ZBED4: variants seen among roughly 807,000 people sequenced by gnomAD.
ZBED4 encodes zinc finger BED-type containing 4.
A neutral mutation model predicts 15.5 loss-of-function variants in ZBED4; 4 were observed. The observed-to-expected ratio is 0.26, with a 90% CI of 0.13 to 0.59. The LOEUF is 0.59. Among genes scored for constraint, ZBED4 ranks in the 20% least tolerant of loss-of-function variants. ZBED4 has a pLI of 0.90. For synonymous variants in ZBED4, 692 were observed against 608.5 expected (o/e 1.14, Z -2.02); for missense variants, 1,323 against 1,461.8 (o/e 0.91, Z 1.55).
intron 1 of ZBED4, among the ~76,000 whole-genome samples, chr22:49,865,965 A>C (rs2060320848): frequency 7.0e-6 from 1 of 143,306 alleles, no homozygotes; most frequent in Admixed American, 7.1e-5. Context: ...TCCCGCCTCC[A>C]CCTCCCGATG....
rs374263929 is a variant in ZBED4 at position 49,885,435 on chromosome 22, G to T, written c.1773G>T (p.Lys591Asn). The T allele has an allele frequency of 9.9e-6, 16 of 1,609,734 alleles. No homozygotes were observed. Among genetic ancestry groups the T allele is most frequent in the Non-Finnish European group, 1.4e-5 (16 of 1,176,362 alleles). The change falls in exon 2 of 2, where the codon AAG becomes AAT. Residue 591 changes from lysine (K) to asparagine (N), a missense_variant. Physicochemically the swap from Lys to Asn is moderately conservative, Grantham distance 94 (BLOSUM62 0). Coordinates refer to ENST00000216268, the MANE Select transcript of ZBED4 (RefSeq NM_014838.3). ...GCCGGACCATCAGCCGGGGGAAGAA[G>T]CCGACTAACTTGGGTACCAGCTGTC... is the stretch of plus-strand genomic sequence containing the variant. ...HCGRTISRGK[K>N]PTNLGTSCLL...
intron 1 of ZBED4, among the ~76,000 whole-genome samples, chr22:49,882,149 T>C (rs1601800739): frequency 6.6e-6 from 1 of 152,170 alleles, no homozygotes; most frequent in South Asian, 2.1e-4. Context: ...CCTGTGGGGG[T>C]GACCCATGCT....
In ZBED4 at chr22:49,884,640, C is replaced by T; in HGVS notation, c.978C>T (p.Cys326=). ...ATGGGAAGGACCTGGGCACGAGCTG[C>T]CTCATCAGGCACATGTGGAGGGCAC... ...GKNGKDLGTS[C]LIRHMWRAHR... is the part of the protein sequence containing the mutation. The change falls in exon 2 of 2, where the codon TGC becomes TGT. Residue 326 remains cysteine, a synonymous_variant. Coordinates refer to ENST00000216268, the MANE Select transcript of ZBED4 (RefSeq NM_014838.3). The T allele has an allele frequency of 6.2e-7, 1 of 1,612,544 alleles. No individual in the cohort carries two copies. The highest frequency in any genetic ancestry group is 8.5e-7 in the Non-Finnish European group (1 of 1,179,216).
rs768410847 is a variant in ZBED4, at chr22:49,885,524, G to C, written c.1862G>C (p.Arg621Pro). The C allele has an allele frequency of 1.2e-6, 2 of 1,608,690 alleles. No individual in the cohort carries two copies. The highest frequency in any genetic ancestry group is 1.7e-5 in the Admixed American group (1 of 59,920). Residue 621 changes from arginine to proline, a missense_variant, in exon 2 of 2, where the codon CGG becomes CCG. Transcript: ENST00000216268. ...AAAACTGAGGTCTCGGAGACGGCTC[G>C]GCCCTCCTCTCCGGACACCCGGGTG... is the stretch of plus-strand genomic sequence containing the variant. ...VLKTEVSETA[R>P]PSSPDTRVPR... is the part of the protein sequence containing the mutation.
chr22:49,875,292 G>C (rs1168122379), intron 1 of ZBED4, among the ~76,000 whole-genome samples: 1 of 151,844 alleles, frequency 6.6e-6, no homozygotes, highest in African/African-American at 2.4e-5. Context: ...GAGTTTCTCT[G>C]TGGGAAGGTT....
At chr22:49,881,898 C>T (rs2060411550) in intron 1 of ZBED4, among the ~76,000 whole-genome samples, 2 of 152,086 alleles carry the variant, frequency 1.3e-5, no homozygotes, top group African/African-American at 4.8e-5. Context: ...GAATGCTTTT[C>T]AGAAAGAACC....
At chr22:49,868,069 G>A (rs987314118) in intron 1 of ZBED4, among the ~76,000 whole-genome samples, 6 of 152,164 alleles carry the variant, frequency 3.9e-5, no homozygotes, top group African/African-American at 1.4e-4. Context: ...TTGCAGGTTC[G>A]TAGGTTGAAC....
At chr22:49,882,135 C>T (rs575846801) in intron 1 of ZBED4, among the ~76,000 whole-genome samples, 2 of 152,326 alleles carry the variant, frequency 1.3e-5, no homozygotes, top group African/African-American at 2.4e-5. Context: ...GGGTTCAGCT[C>T]CTCCCTGTGG....
chr22:49,855,318 C>T (rs914067375), intron 1 of ZBED4, among the ~76,000 whole-genome samples: 1 of 152,074 alleles, frequency 6.6e-6, no homozygotes. Flanking sequence ...ACTTTTAGTC[C>T]ACTTGACAGG....
Position 49,883,520 on chromosome 22 carries a change from A to C in ZBED4, c.-143A>C. On this transcript the variant is annotated 5_prime_UTR_variant, in exon 2 of 2. An upstream start codon of the reference 5' UTR is lost. Coordinates refer to ENST00000216268, the MANE Select transcript of ZBED4 (RefSeq NM_014838.3). Reference sequence around the variant, plus strand: ...CAGATTCTTTTTTTCAGTACTATTTATGATTAGCCATATTTCTAGAAACAT... The same window carrying C: ...CAGATTCTTTTTTTCAGTACTATTTCTGATTAGCCATATTTCTAGAAACAT... 1 of 1,176,428 alleles carries C rather than the reference A, an allele frequency of 8.5e-7. No individual in the cohort carries two copies. Among genetic ancestry groups the C allele is most frequent in the Admixed American group, 3.0e-5 (1 of 33,394 alleles). 72.9% of individuals were successfully genotyped at this position (1,176,428 alleles called of 1,614,324 possible). A position where few individuals can be genotyped will look rare whatever the true frequency, so the allele number is the denominator to read the frequency against.
intron 1 of ZBED4, among the ~76,000 whole-genome samples, chr22:49,865,868 T>C (rs568808086): frequency 2.6e-5 from 4 of 151,728 alleles, no homozygotes; most frequent in East Asian, 3.9e-4. Flanking sequence ...ATTTTCTTTT[T>C]TTTTTTTTTC....
rs1354093443 is a variant in ZBED4 at position 49,889,293 on chromosome 22, T to C, written c.*2115T>C. On this transcript the variant is annotated 3_prime_UTR_variant, in exon 2 of 2. Coordinates refer to ENST00000216268, the MANE Select transcript of ZBED4 (RefSeq NM_014838.3). Reference sequence around the variant, plus strand: ...TTCTTGGAATACAGTCACAGCTGTTTTTTTAACATGGTGTCTTGGCTACTT... The same window carrying C: ...TTCTTGGAATACAGTCACAGCTGTTCTTTTAACATGGTGTCTTGGCTACTT... 1.2e-5 allele frequency: 2 copies of C among 167,094 alleles called. No homozygotes were observed. The highest frequency in any genetic ancestry group is 2.4e-5 in the African/African-American group (1 of 41,468). 10.4% of individuals were successfully genotyped at this position (167,094 alleles called of 1,614,324 possible).
At chr22:49,854,045 ACCGCGCCGGGGCCGGGCCGGG>A (rs1333867236) in intron 1 of ZBED4, 56 bp downstream of exon 1, 6 of 139,618 alleles carry the variant, frequency 4.3e-5, no homozygotes, top group South Asian at 2.2e-4. Context: ...TCCCCCGCGG[ACCGCGCCGGGGCCGGGCCGGG>A]CCGCGCCATT....
Position 49,884,315 on chromosome 22 carries a change from C to T in ZBED4, c.653C>T (p.Ser218Phe), listed in dbSNP as rs2060425066. The T allele has an allele frequency of 1.2e-6, 2 of 1,613,772 alleles. No individual in the cohort carries two copies. Among genetic ancestry groups the T allele is most frequent in the Non-Finnish European group, 1.7e-6 (2 of 1,179,776 alleles). Residue 218 changes from serine to phenylalanine, a missense_variant, in exon 2 of 2, where the codon TCC (serine) becomes TTC (phenylalanine). This residue lies in a region of ZBED4 where 380 missense variants were observed against 413.7 expected (regional missense o/e 0.92). Coordinates refer to ENST00000216268, the MANE Select transcript of ZBED4 (RefSeq NM_014838.3). ...LVQKVASKIP[S>F]PDRITEESVS... ...CAGAAAGTGGCGTCTAAGATCCCGT[C>T]CCCCGATCGAATAACAGAGGAGTCT... is the stretch of plus-strand genomic sequence containing the variant.
At chr22:49,856,181 G>A (rs2060273929) in intron 1 of ZBED4, among the ~76,000 whole-genome samples, 2 of 152,226 alleles carry the variant, frequency 1.3e-5, no homozygotes, top group South Asian at 4.1e-4. Flanking sequence ...GGCATTGTTA[G>A]GAATAAAATA....
chr22:49,862,592 C>T (rs1182738999), intron 1 of ZBED4, among the ~76,000 whole-genome samples: 5 of 152,136 alleles, frequency 3.3e-5, no homozygotes, highest in Non-Finnish European at 7.3e-5. Context: ...CCCAGCCCCT[C>T]CCAGCAGAGG....
Position 49,886,902 on chromosome 22 carries a change from G to T in ZBED4, c.3240G>T (p.Leu1080=), listed in dbSNP as rs201919528. ...AGAAGAAAGACCCAAGAGAAAAGCT[G>T]CCTGAAGCCATGGTGCTTGCGTATC... is the stretch of plus-strand genomic sequence containing the variant. The part of the protein sequence containing the change: ...KVKKKDPREK[L]PEAMVLAYLE... The change falls in exon 2 of 2, where the codon CTG becomes CTT. Residue 1080 remains leucine, a synonymous_variant. Transcript: ENST00000216268. The surrounding 1 kb of genome is among the most constrained non-coding windows in gnomAD (Gnocchi z 7.7). 6 of 1,614,040 alleles carry T rather than the reference G, an allele frequency of 3.7e-6. No homozygotes were observed. In the African/African-American group the frequency reaches 8.0e-5, roughly 22 times the overall value.
intron 1 of ZBED4, among the ~76,000 whole-genome samples, chr22:49,865,708 TTG>T (rs1297208099): frequency 5.9e-5 from 9 of 151,874 alleles, no homozygotes; most frequent in Non-Finnish European, 1.0e-4. Flanking sequence ...CATGTTTCTG[TTG>T]TGTTTTGGTT....
At position 49,886,969 on chromosome 22, in the gene ZBED4, TA is replaced by T; in HGVS notation, c.3308del (p.Tyr1103SerfsTer4). 2.5e-6 allele frequency: 4 copies of T among 1,614,100 alleles called. No individual in the cohort carries two copies. Among genetic ancestry groups the T allele is most frequent in the Non-Finnish European group, 3.4e-6 (4 of 1,180,034 alleles). ...TGAACACAGCTGTGACCCGCTCACC[TA>T]CTGGAACCTGAAGAAGGCGTCCTGG... is the stretch of plus-strand genomic sequence containing the variant. Reference protein sequence around the residue: ...VLEHSCDPLTYWNLKKASWPG... With the variant: ...VLEHSCDPLTXWNLKKASWPG... On this transcript the variant is annotated frameshift_variant, in exon 2 of 2. Transcript: ENST00000216268. LOFTEE classifies it high-confidence loss of function. The surrounding 1 kb of genome is among the most constrained non-coding windows in gnomAD (Gnocchi z 7.7).
Sources: allele counts gnomAD v4.1 joint callset (sites outside exome capture counted in the v4.1 genomes callset), GRCh38; gene constraint gnomAD v4.1.1; regional missense constraint gnomAD v4.1.1; non-coding constraint Gnocchi (gnomAD v3.1); transcripts MANE v1.5; gene names NCBI Gene and HGNC (gene_info 2026-07-23, HGNC 2026-07-21).